Variants in EPHA3 observed in about 807,000 individuals in gnomAD.
The protein encoded by EPHA3 is ephrin type-A receptor 3.
Under a neutral mutation model 107.1 loss-of-function variants are expected in EPHA3, and 42 were observed. That is an observed-to-expected ratio of 0.39 (90% CI 0.31 to 0.51). EPHA3 has a LOEUF of 0.51. Among genes scored for constraint, EPHA3 ranks in the 20% least tolerant of loss-of-function variants. EPHA3 has a pLI of 0.78. For synonymous variants in EPHA3, 461 were observed against 424.8 expected, an observed-to-expected ratio of 1.09 and a Z score of -1.05; for missense variants, 1,183 against 1,211.2, an observed-to-expected ratio of 0.98 and a Z score of 0.35.
intron 2 of EPHA3, among the ~76,000 whole-genome samples, chr3:89,167,814 T>C (rs1429287682): frequency 2.0e-5 from 3 of 152,152 alleles, no homozygotes; most frequent in Admixed American, 6.5e-5. Flanking sequence ...GTCATTACTA[T>C]ACTTTGACTC....
chr3:89,276,985 A>T (rs1469557071), intron 3 of EPHA3, among the ~76,000 whole-genome samples: 1 of 152,116 alleles, frequency 6.6e-6, no homozygotes, highest in Non-Finnish European at 1.5e-5. Context: ...GTTCATGATT[A>T]ATTGCATGAA....
At chr3:89,121,093 A>G (rs1487480840) in intron 1 of EPHA3, among the ~76,000 whole-genome samples, 1 of 151,996 alleles carries the variant, frequency 6.6e-6, no homozygotes, top group Non-Finnish European at 1.5e-5. Flanking sequence ...AAAATTAGCC[A>G]GGCGTGGTGG....
chr3:89,174,026 A>C (rs1705264519), intron 2 of EPHA3, among the ~76,000 whole-genome samples: 1 of 152,050 alleles, frequency 6.6e-6, no homozygotes, highest in Admixed American at 6.5e-5. Context: ...TTGGTGGTAG[A>C]AGCAAGGAAA....
intron 10 of EPHA3, 125 bp downstream of exon 10, chr3:89,413,391 T>A: frequency 1.6e-6 from 2 of 1,212,686 alleles, no homozygotes; most frequent in Non-Finnish European, 2.4e-6. Context: ...AGGCAAGTAA[T>A]AAATAAGTGC....
chr3:89,322,761 T>C (rs1276762194), intron 3 of EPHA3, among the ~76,000 whole-genome samples: 1 of 152,150 alleles, frequency 6.6e-6, no homozygotes, highest in East Asian at 1.9e-4. Flanking sequence ...TTTGGTGCTT[T>C]TACCAGCAAG....
At chr3:89,237,165 C>A (rs1704784457) in intron 3 of EPHA3, among the ~76,000 whole-genome samples, 1 of 152,174 alleles carries the variant, frequency 6.6e-6, no homozygotes, top group African/African-American at 2.4e-5. Context: ...AGTTCAAGAC[C>A]AGCCTGGCCA....
intron 5 of EPHA3, among the ~76,000 whole-genome samples, chr3:89,382,233 G>C (rs1355778291): frequency 6.6e-6 from 1 of 151,990 alleles, no homozygotes; most frequent in Non-Finnish European, 1.5e-5. Flanking sequence ...TATGGCTGGG[G>C]GTGGTGGCTC....
In EPHA3 at chr3:89,135,123, G is replaced by T. The variant is rs191614969; in HGVS notation, c.153+7850G>T. Among the ~76,000 whole-genome samples, 3 of 152,120 alleles carry T rather than the reference G, an allele frequency of 2.0e-5. No homozygotes were observed. In the South Asian group the frequency reaches 6.2e-4, roughly 32 times the overall value. ...ATTTATAATTTTTAGTGATGAGAATGTTCTCAAATATTGATATTTCAGATT... is the reference window on the plus strand; with the variant it reads ...ATTTATAATTTTTAGTGATGAGAATTTTCTCAAATATTGATATTTCAGATT... On this transcript the variant is annotated intron_variant, in intron 2 of 16. Coordinates refer to ENST00000336596, the MANE Select transcript of EPHA3 (RefSeq NM_005233.6).
intron 13 of EPHA3, among the ~76,000 whole-genome samples, chr3:89,435,469 A>T (rs1709648858): frequency 6.9e-6 from 1 of 145,436 alleles, no homozygotes; most frequent in Non-Finnish European, 1.5e-5. Context: ...ATATATATTT[A>T]TATATATAAA....
At chr3:89,384,071 A>C (rs962433199) in intron 5 of EPHA3, among the ~76,000 whole-genome samples, 3 of 152,094 alleles carry the variant, frequency 2.0e-5, no homozygotes, top group African/African-American at 7.2e-5. Flanking sequence ...CGATCTTTGG[A>C]GCCATCTATA....
chr3:89,477,354 T>G (rs188151017), intron 16 of EPHA3, among the ~76,000 whole-genome samples: 2 of 152,196 alleles, frequency 1.3e-5, no homozygotes, highest in Admixed American at 6.5e-5. Flanking sequence ...CCTTTGACAG[T>G]CAGCAGGGAG....
chr3:89,469,915 T>C (rs1710367042), intron 15 of EPHA3, among the ~76,000 whole-genome samples: 1 of 152,122 alleles, frequency 6.6e-6, no homozygotes, highest in South Asian at 2.1e-4. Flanking sequence ...ATGACAGACT[T>C]CACTTAGACT....
intron 10 of EPHA3, among the ~76,000 whole-genome samples, chr3:89,414,857 C>A (rs1230284349): frequency 6.6e-6 from 1 of 151,548 alleles, no homozygotes; most frequent in Non-Finnish European, 1.5e-5. Context: ...TATACTGAAT[C>A]ACTTAATCCC....
chr3:89,386,916 C>G (rs928686861), intron 5 of EPHA3, among the ~76,000 whole-genome samples: 33 of 152,116 alleles, frequency 2.2e-4, no homozygotes, highest in African/African-American at 8.0e-4. Context: ...GGCCTGGAGT[C>G]CCTTTGTTTT....
intron 5 of EPHA3, among the ~76,000 whole-genome samples, chr3:89,372,567 TG>T (rs1314219485): frequency 6.6e-6 from 1 of 151,748 alleles, no homozygotes; most frequent in Non-Finnish European, 1.5e-5. Context: ...TGGTTTTGAT[TG>T]CCAACCTATG....
rs149992625 is a variant in EPHA3, at chr3:89,209,874, T to C, written c.168T>C (p.Ser56=). The C allele has an allele frequency of 3.9e-5, 62 of 1,602,500 alleles. No individual in the cohort carries two copies. The African/African-American group carries it at 7.4e-4, about 19-fold the overall frequency. Residue 56 remains serine, a synonymous_variant, in exon 3 of 17, where the codon AGT becomes AGC. Coordinates refer to ENST00000336596, the MANE Select transcript of EPHA3 (RefSeq NM_005233.6). ...TGATTCTTCAGTGGGAAGAGATCAGTGGTGTGGATGAACATTACACACCCA... is the reference window on the plus strand; with the variant it reads ...TGATTCTTCAGTGGGAAGAGATCAGCGGTGTGGATGAACATTACACACCCA... The part of the protein sequence containing the change: ...SYPSHGWEEI[S]GVDEHYTPIR...
intron 2 of EPHA3, among the ~76,000 whole-genome samples, chr3:89,145,566 A>G (rs1704537224): frequency 6.6e-6 from 1 of 151,760 alleles, no homozygotes; most frequent in African/African-American, 2.4e-5. Flanking sequence ...ATAACATTCA[A>G]TAGCTTATAT....
At chr3:89,458,301 A>G (rs1710140494) in intron 15 of EPHA3, among the ~76,000 whole-genome samples, 2 of 152,134 alleles carry the variant, frequency 1.3e-5, no homozygotes, top group African/African-American at 4.8e-5. Flanking sequence ...TGAGCTTTGG[A>G]GAGCAGTGCC....
At chr3:89,382,090 G>A (rs1209448284) in intron 5 of EPHA3, among the ~76,000 whole-genome samples, 1 of 152,110 alleles carries the variant, frequency 6.6e-6, no homozygotes, top group East Asian at 1.9e-4. Context: ...TCAAGCAGAG[G>A]TCTTTTGCTT....
Sources: gnomAD v4.1 joint callset for allele counts (sites outside exome capture counted in the v4.1 genomes callset) on GRCh38, gnomAD v4.1.1 for gene constraint, MANE v1.5 for transcripts, NCBI Gene and HGNC (gene_info 2026-07-23, HGNC 2026-07-21) for gene names.